CYTH4: variants seen among roughly 807,000 people sequenced by gnomAD.
The protein encoded by CYTH4 is cytohesin-4.
Under a neutral mutation model 57.5 loss-of-function variants are expected in CYTH4, and 22 were observed. The ratio of observed to expected loss-of-function variants is 0.38; its 90% confidence interval spans 0.27 to 0.55. CYTH4 has a LOEUF of 0.55. Ranked by LOEUF, CYTH4 falls within the 20% of genes least tolerant of loss-of-function variation. The pLI is 0.74. For synonymous variants in CYTH4, 186 were observed against 206.5 expected (o/e 0.90, Z 0.85); for missense variants, 420 against 535.6 (o/e 0.78, Z 2.13).
chr22:37,296,260 G>T, intron 4 of CYTH4, 195 bp downstream of exon 4: 1 of 619,654 alleles, frequency 1.6e-6, no homozygotes, highest in Non-Finnish European at 2.8e-6. Flanking sequence ...AGGCATACAC[G>T]CCTTGGGGCA....
In CYTH4 at chr22:37,313,527, C is replaced by A. The variant is rs775526582; in HGVS notation, c.*16C>A. The A allele has an allele frequency of 2.5e-6, 4 of 1,613,442 alleles. No homozygotes were observed. In the African/African-American group the frequency reaches 5.3e-5, roughly 22 times the overall value. On this transcript the variant is annotated 3_prime_UTR_variant, in exon 13 of 13. Transcript: ENST00000248901. The stretch of plus-strand genomic sequence containing the variant: ...CAAGCAGTGAGATTCCTGGAGGTGG[C>A]ACTGGGGGCTGGTCACCCTGAGAGT...
At chr22:37,297,195 A>G (rs921040596) in intron 4 of CYTH4, among the ~76,000 whole-genome samples, 6 of 152,138 alleles carry the variant, frequency 3.9e-5, no homozygotes, top group Non-Finnish European at 8.8e-5. Context: ...CGCTATTTTT[A>G]AATAATATGA....
chr22:37,291,807 A>G lies in CYTH4; in HGVS notation c.20-814A>G, dbSNP rs55903822. Among the ~76,000 whole-genome samples the G allele has an allele frequency of 6.8e-3, 1,042 of 152,366 alleles. 13 individuals are homozygous for G. Among genetic ancestry groups the G allele is most frequent in the African/African-American group, 0.024 (1,014 of 41,572 alleles). ...TAGGACAGCTGACCTAGTTGTGGGC[A>G]TCATCACAGCACCTTGCATAGAATG... On this transcript the variant is annotated intron_variant, in intron 1 of 12. Transcript: ENST00000248901.
chr22:37,310,886 T>TG, intron 9 of CYTH4, 102 bp from the exon 10 acceptor site: 1 of 1,274,196 alleles, frequency 7.8e-7, no homozygotes, highest in Non-Finnish European at 1.1e-6. Flanking sequence ...GGCACTCAGC[T>TG]GGGGGTCCAG....
chr22:37,308,886 G>A (rs982356779), intron 8 of CYTH4, among the ~76,000 whole-genome samples: 2 of 150,444 alleles, frequency 1.3e-5, no homozygotes, highest in African/African-American at 2.5e-5. Context: ...GTGTGTGCAC[G>A]TGTGTGTGTG....
At chr22:37,294,182 CT>C (rs1928856793) in intron 2 of CYTH4, among the ~76,000 whole-genome samples, 1 of 110,690 alleles carries the variant, frequency 9.0e-6, no homozygotes, top group Non-Finnish European at 1.8e-5. Flanking sequence ...TGGAGGTGGG[CT>C]GGGGGAGGTG....
intron 8 of CYTH4, among the ~76,000 whole-genome samples, chr22:37,304,614 G>A (rs1015023600): frequency 9.2e-5 from 14 of 152,144 alleles, no homozygotes; most frequent in African/African-American, 3.4e-4. Flanking sequence ...GTGGAGCCTG[G>A]ATCTGGAATG....
chr22:37,297,730 G>A lies in CYTH4; in HGVS notation c.353+48G>A, dbSNP rs920718666. 6.8e-6 allele frequency: 10 copies of A among 1,467,354 alleles called. No homozygotes were observed. The Admixed American group carries it at 1.0e-4, about 15-fold the overall frequency. 90.9% of individuals were successfully genotyped at this position (1,467,354 alleles called of 1,614,324 possible). A position where few individuals can be genotyped will look rare whatever the true frequency, so the allele number is the denominator to read the frequency against. On this transcript the variant is annotated intron_variant, in intron 5 of 12. Coordinates refer to ENST00000248901, the MANE Select transcript of CYTH4 (RefSeq NM_013385.5). ...CGAGGCAGGAAATGAAGGTGTGCAG[G>A]TGTGTACAGGTGTGTGGATGTGCAG...
rs567247568 is a variant in CYTH4, at chr22:37,294,707, C to T, written c.150C>T (p.Phe50=). 34 of 1,613,824 alleles carry T rather than the reference C, an allele frequency of 2.1e-5. No individual in the cohort carries two copies. The highest frequency in any genetic ancestry group is 2.7e-5 in the African/African-American group (2 of 75,010). The change falls in exon 3 of 13, where the codon TTC becomes TTT. Residue 50 remains phenylalanine, a synonymous_variant. Transcript: ENST00000248901. ...IADVFAQIDC[F]ESAEESRMAQ... Reference sequence around the variant, plus strand: ...ATGTGTTTGCCCAAATCGACTGCTTCGAGAGTGCGGAGGAGAGGTGAGGGG... The same window carrying T: ...ATGTGTTTGCCCAAATCGACTGCTTTGAGAGTGCGGAGGAGAGGTGAGGGG...
chr22:37,309,810 G>T (rs766835199), intron 9 of CYTH4, among the ~76,000 whole-genome samples: 2 of 152,198 alleles, frequency 1.3e-5, no homozygotes, highest in Non-Finnish European at 2.9e-5. Context: ...GGGGAGGAAG[G>T]ATGACAGGAT....
intron 7 of CYTH4, among the ~76,000 whole-genome samples, 156 bp from the exon 8 acceptor site, chr22:37,303,098 T>A (rs1477393515): frequency 6.6e-6 from 1 of 150,460 alleles, no homozygotes; most frequent in Non-Finnish European, 1.5e-5. Flanking sequence ...CCAGCAAGAG[T>A]GGGAAGGGAG....
chr22:37,298,792 G>A lies in CYTH4; in HGVS notation c.354-434G>A, dbSNP rs967519666. ...CCCGCGGTGAGCAGGGGATGCAGAC[G>A]GTGAGAAGGGCACCTTCCTGCTTCA... On this transcript the variant is annotated intron_variant, in intron 5 of 12. Coordinates refer to ENST00000248901, the MANE Select transcript of CYTH4 (RefSeq NM_013385.5). This position sits in a 1 kb window ranked among gnomAD's most constrained non-coding sequence, Gnocchi z 4.1. Among the ~76,000 whole-genome samples the A allele has an allele frequency of 5.9e-5, 9 of 152,244 alleles. No individual in the cohort carries two copies. In the South Asian group the frequency reaches 6.2e-4, roughly 11 times the overall value.
Position 37,311,846 on chromosome 22 carries a change from C to A in CYTH4, c.958-174C>A. 2 of 842,424 alleles carry A rather than the reference C, an allele frequency of 2.4e-6. No homozygotes were observed. Among genetic ancestry groups the A allele is most frequent in the Non-Finnish European group, 3.6e-6 (2 of 559,996 alleles). 52.2% of individuals were successfully genotyped at this position (842,424 alleles called of 1,614,324 possible). A position where few individuals can be genotyped will look rare whatever the true frequency, so the allele number is the denominator to read the frequency against. ...GGGACTTTAGGGAGGATGGTGGATT[C>A]AGGAGCCTGCCACAGAGAGAGTGCT... On this transcript the variant is annotated intron_variant, in intron 11 of 12. Transcript: ENST00000248901. This position sits in a 1 kb window ranked among gnomAD's most constrained non-coding sequence, Gnocchi z 4.4.
rs771297995 is a variant in CYTH4 at position 37,297,690 on chromosome 22, C to T, written c.353+8C>T. On this transcript the variant is annotated splice_region_variant and intron_variant, in intron 5 of 12. Coordinates refer to ENST00000248901, the MANE Select transcript of CYTH4 (RefSeq NM_013385.5). Reference sequence around the variant, plus strand: ...TACCTACCTGGGGGAGAGGTAAGAACGAGTGGAGCCTTAGCGAGGCAGGAA... The same window carrying T: ...TACCTACCTGGGGGAGAGGTAAGAATGAGTGGAGCCTTAGCGAGGCAGGAA... 9.9e-6 allele frequency: 16 copies of T among 1,608,382 alleles called. No homozygotes were observed. The African/African-American group carries it at 1.3e-4, about 13-fold the overall frequency.
intron 5 of CYTH4, chr22:37,297,886 G>A: frequency 6.4e-6 from 3 of 471,940 alleles, no homozygotes; most frequent in Non-Finnish European, 1.2e-5. Flanking sequence ...ACAAATAAAT[G>A]TTGCTCAGGG....
intron 1 of CYTH4, among the ~76,000 whole-genome samples, chr22:37,284,248 C>T (rs531602762): frequency 3.6e-4 from 55 of 152,276 alleles, no homozygotes; most frequent in African/African-American, 1.1e-3. Flanking sequence ...ACTCTACAAA[C>T]GACCTTCCAG....
At chr22:37,305,388 A>G (rs1335767674) in intron 8 of CYTH4, among the ~76,000 whole-genome samples, 1 of 152,138 alleles carries the variant, frequency 6.6e-6, no homozygotes, top group Admixed American at 6.5e-5. Context: ...GCAGACACAG[A>G]CTAAGGGAAA....
intron 7 of CYTH4, 119 bp from the exon 8 acceptor site, chr22:37,303,135 C>G: frequency 6.9e-7 from 1 of 1,448,736 alleles, no homozygotes; most frequent in Non-Finnish European, 9.2e-7. Flanking sequence ...AAGCCCAAGC[C>G]AGGAGGACAA....
intron 1 of CYTH4, among the ~76,000 whole-genome samples, chr22:37,290,566 C>T (rs1427138237): frequency 6.6e-6 from 1 of 152,126 alleles, no homozygotes; most frequent in African/African-American, 2.4e-5. Flanking sequence ...AGTGCAGTGG[C>T]ATGATCTGGG....
Sources: gnomAD v4.1 joint callset for allele counts (sites outside exome capture counted in the v4.1 genomes callset) on GRCh38, gnomAD v4.1.1 for gene constraint, Gnocchi (gnomAD v3.1) non-coding constraint, MANE v1.5 for transcripts, NCBI Gene and HGNC (gene_info 2026-07-23, HGNC 2026-07-21) for gene names.